The following TRAPPC10 variants were observed in gnomAD, a reference collection of about 807,000 sequenced individuals.
TRAPPC10 encodes TRAPP 130 kDa subunit.
Under a neutral mutation model 125.5 loss-of-function variants are expected in TRAPPC10, and 23 were observed. The observed-to-expected ratio is 0.18, with a 90% CI of 0.13 to 0.26. The LOEUF is 0.26. Ranked by LOEUF, TRAPPC10 falls within the 10% of genes least tolerant of loss-of-function variation. The pLI is 1.00. For synonymous variants in TRAPPC10, 509 were observed against 518.0 expected, an observed-to-expected ratio of 0.98 and a Z score of 0.24; for missense variants, 1,123 against 1,308.4, an observed-to-expected ratio of 0.86 and a Z score of 2.19.
At chr21:44,016,393 G>T (rs1477326158) in intron 1 of TRAPPC10, among the ~76,000 whole-genome samples, 1 of 152,114 alleles carries the variant, frequency 6.6e-6, no homozygotes, top group Admixed American at 6.5e-5. Context: ...TTTGTTGACT[G>T]TCCTCATACC....
intron 14 of TRAPPC10, among the ~76,000 whole-genome samples, chr21:44,083,907 A>C (rs552662613): frequency 1.3e-5 from 2 of 152,238 alleles, no homozygotes; most frequent in Non-Finnish European, 2.9e-5. Context: ...AGTTAAATTT[A>C]AGCATCAGTT....
intron 2 of TRAPPC10, among the ~76,000 whole-genome samples, chr21:44,036,433 G>A (rs1291124585): frequency 1.3e-5 from 2 of 152,178 alleles, no homozygotes; most frequent in Non-Finnish European, 2.9e-5. Flanking sequence ...CTAGGCCCCC[G>A]GCTGGCCGTG....
intron 1 of TRAPPC10, 66 bp from the exon 2 acceptor site, chr21:44,032,025 T>C (rs2033619802): frequency 2.3e-6 from 3 of 1,323,374 alleles, no homozygotes; most frequent in Non-Finnish European, 3.2e-6. Context: ...TTTATTAAGC[T>C]CTAGAGCCAT....
intron 7 of TRAPPC10, among the ~76,000 whole-genome samples, chr21:44,065,830 G>A (rs780604733): frequency 6.6e-6 from 1 of 152,198 alleles, no homozygotes; most frequent in Admixed American, 6.5e-5. Flanking sequence ...GTAACTTCAC[G>A]TCAGAAGTGT....
chr21:44,069,723 T>C (rs548356271), intron 7 of TRAPPC10, among the ~76,000 whole-genome samples: 2 of 152,112 alleles, frequency 1.3e-5, no homozygotes, highest in Non-Finnish European at 2.9e-5. Context: ...CCGTGAGTCA[T>C]TGGAGCTGCA....
intron 20 of TRAPPC10, among the ~76,000 whole-genome samples, chr21:44,095,402 C>T (rs768786644): frequency 2.6e-5 from 4 of 151,958 alleles, no homozygotes; most frequent in African/African-American, 9.7e-5. Context: ...TGCACCACCA[C>T]GCCTGGCTAA....
intron 13 of TRAPPC10, among the ~76,000 whole-genome samples, chr21:44,081,861 A>G (rs2037770529): frequency 6.6e-6 from 1 of 152,160 alleles, no homozygotes; most frequent in South Asian, 2.1e-4. Context: ...CCTGGGCGAC[A>G]GAGCGAGACC....
At chr21:44,035,880 T>C (rs1031439709) in intron 2 of TRAPPC10, among the ~76,000 whole-genome samples, 3 of 152,174 alleles carry the variant, frequency 2.0e-5, no homozygotes, top group Admixed American at 6.5e-5. Flanking sequence ...TGAAACAAAG[T>C]TTGCCAGATG....
At chr21:44,052,597 T>G in intron 4 of TRAPPC10, 121 bp downstream of exon 4, 1 of 922,540 alleles carries the variant, frequency 1.1e-6, no homozygotes, top group South Asian at 1.7e-5. Context: ...TGGGGTGCTG[T>G]CAAGGAGACC....
rs58237566 is a variant in TRAPPC10 at position 44,076,047 on chromosome 21, CA to C, written c.1301-490del. On this transcript the variant is annotated intron_variant, in intron 9 of 22. Coordinates refer to ENST00000291574, the MANE Select transcript of TRAPPC10 (RefSeq NM_003274.5). ...CTGGGCAACAAGAGCAAAACTCTGT[CA>C]AAAAAAAAAAAAAATTCTCCTGGAT... Among the ~76,000 whole-genome samples, 1,053 of 136,914 alleles carry C rather than the reference CA, an allele frequency of 7.7e-3. 4 individuals are homozygous for C. The highest frequency in any genetic ancestry group is 0.016 in the African/African-American group (655 of 40,132). The allele number at this position is 136,914 out of a possible 152,430, so 89.8% of individuals were successfully genotyped here.
At position 44,033,986 on chromosome 21, in the gene TRAPPC10, A is replaced by G. The variant is rs2033789118; in HGVS notation, c.149+1814A>G. On this transcript the variant is annotated intron_variant, in intron 2 of 22. Coordinates refer to ENST00000291574, the MANE Select transcript of TRAPPC10 (RefSeq NM_003274.5). ...TAAATGGACTAAAAAAAATGGACCA[A>G]ACAAATGCTAAACAAATCACCCTAA... 2.6e-5 allele frequency among the ~76,000 whole-genome samples: 4 copies of G among 152,248 alleles called. No individual in the cohort carries two copies. The South Asian group carries it at 6.2e-4, about 24-fold the overall frequency.
chr21:44,018,258 A>G (rs2147133501), intron 1 of TRAPPC10, among the ~76,000 whole-genome samples: 1 of 152,220 alleles, frequency 6.6e-6, no homozygotes, highest in South Asian at 2.1e-4. Flanking sequence ...TAAAAAAGTT[A>G]GCCAGGTGTG....
At chr21:44,045,070 G>T (rs532885955) in intron 3 of TRAPPC10, among the ~76,000 whole-genome samples, 1 of 152,192 alleles carries the variant, frequency 6.6e-6, no homozygotes, top group African/African-American at 2.4e-5. Context: ...GAGTAGCTGG[G>T]ATTACAGGTG....
At chr21:44,014,688 G>A (rs1274132912) in intron 1 of TRAPPC10, among the ~76,000 whole-genome samples, 1 of 150,458 alleles carries the variant, frequency 6.6e-6, no homozygotes, top group African/African-American at 2.5e-5. Flanking sequence ...GCAGCCTCCC[G>A]AAGTGCTGGG....
At position 44,087,833 on chromosome 21, in the gene TRAPPC10, G is replaced by A. The variant is rs751419431; in HGVS notation, c.2674G>A (p.Gly892Arg). The part of the protein sequence containing the change: ...VLSLPSAPAL[G>R]GESDMLGMAE... ...CTCTTTACCTTCAGCCCCAGCACTC[G>A]GAGGGGAGAGTGACATGCTGGGGAT... Residue 892 changes from glycine to arginine, a missense_variant, in exon 17 of 23, where the codon GGA becomes AGA. Physicochemically the swap from Gly to Arg is moderately radical, Grantham distance 125. This residue lies in a region of TRAPPC10 where 840 missense variants were observed against 902.0 expected (regional missense o/e 0.93). Coordinates refer to ENST00000291574, the MANE Select transcript of TRAPPC10 (RefSeq NM_003274.5). This position sits in a 1 kb window ranked among gnomAD's most constrained non-coding sequence, Gnocchi z 4.6. 1.9e-6 allele frequency: 3 copies of A among 1,614,236 alleles called. No homozygotes were observed. Among genetic ancestry groups the A allele is most frequent in the African/African-American group, 2.7e-5 (2 of 75,062 alleles).
chr21:44,068,789 A>T (rs1338463256), intron 7 of TRAPPC10, among the ~76,000 whole-genome samples: 1 of 151,754 alleles, frequency 6.6e-6, no homozygotes. Flanking sequence ...TTTGGCAGAG[A>T]TGGGGTTTCA....
chr21:44,089,443 A>T (rs1385574648), intron 17 of TRAPPC10: 1 of 423,942 alleles, frequency 2.4e-6, no homozygotes, highest in African/African-American at 2.0e-5. Flanking sequence ...GGCTAATGTC[A>T]TCTGGAAATA....
intron 19 of TRAPPC10, among the ~76,000 whole-genome samples, chr21:44,092,989 G>C (rs780858858): frequency 6.6e-5 from 10 of 151,988 alleles, no homozygotes; most frequent in Non-Finnish European, 1.3e-4. Context: ...TAGAGACGTG[G>C]TTTCACCATG....
At chr21:44,055,641 A>G (rs2035533884) in intron 4 of TRAPPC10, 57 bp from the exon 5 acceptor site, 1 of 1,348,400 alleles carries the variant, frequency 7.4e-7, no homozygotes. Flanking sequence ...GCAGCTGCTG[A>G]GTCGTGGTGC....
Sources: allele counts gnomAD v4.1 joint callset (sites outside exome capture counted in the v4.1 genomes callset), GRCh38; gene constraint gnomAD v4.1.1; regional missense constraint gnomAD v4.1.1; non-coding constraint Gnocchi (gnomAD v3.1); transcripts MANE v1.5; gene names NCBI Gene and HGNC (gene_info 2026-07-23, HGNC 2026-07-21).